PDSS2: variants seen among roughly 807,000 people sequenced by gnomAD.
PDSS2 encodes all trans-polyprenyl-diphosphate synthase PDSS2.
In PDSS2, 31 loss-of-function variants were observed where a neutral mutation model predicts 44.5. That is an observed-to-expected ratio of 0.70 (90% CI 0.52 to 0.94). The LOEUF (loss-of-function observed/expected upper bound fraction) is 0.94. Ranked by LOEUF, PDSS2 falls within the 40% of genes least tolerant of loss-of-function variation. The pLI, the probability that PDSS2 is intolerant of heterozygous loss-of-function variation, is 0.00. For missense variants in PDSS2, 452 were observed against 482.2 expected (o/e 0.94, Z 0.59); for synonymous variants, 157 against 180.3 (o/e 0.87, Z 1.03).
intron 3 of PDSS2, among the ~76,000 whole-genome samples, chr6:107,266,817 C>A (rs1361183048): frequency 6.6e-6 from 1 of 152,122 alleles, no homozygotes; most frequent in Non-Finnish European, 1.5e-5. Flanking sequence ...TATAGTGATG[C>A]TTCTGAATGC....
intron 1 of PDSS2, among the ~76,000 whole-genome samples, chr6:107,388,447 ATTTTTTTT>A (rs147100917): frequency 1.5e-5 from 2 of 137,272 alleles, no homozygotes; most frequent in African/African-American, 5.4e-5. Flanking sequence ...GTGCATGTGA[ATTTTTTTT>A]TTTTTTTTTT....
chr6:107,175,214 G>GA (rs35268855), intron 7 of PDSS2, among the ~76,000 whole-genome samples: 52,979 of 140,202 alleles, frequency 0.38, 9,997 homozygotes, highest in African/African-American at 0.45. Flanking sequence ...TCCATCTCAG[G>GA]AAAAAAAAAA....
In PDSS2 at chr6:107,453,458, G is replaced by GA. The variant is rs748000071; in HGVS notation, c.296+5531dup. Among the ~76,000 whole-genome samples, 727 of 143,816 alleles carry GA rather than the reference G, an allele frequency of 5.1e-3. 2 individuals carry two copies. Among genetic ancestry groups the GA allele is most frequent in the Non-Finnish European group, 7.8e-3 (510 of 65,122 alleles). The allele number at this position is 143,816 out of a possible 152,430, so 94.3% of individuals were successfully genotyped here. On this transcript the variant is annotated intron_variant, in intron 1 of 7. Transcript: ENST00000369037. ...TGTTCCAGCCCTATTTTTAGAGAAA[G>GA]AAAAAAAAAAACTATCCTCCCTCCA...
At chr6:107,217,616 A>C (rs548339389) in intron 4 of PDSS2, among the ~76,000 whole-genome samples, 1 of 152,300 alleles carries the variant, frequency 6.6e-6, no homozygotes, top group South Asian at 2.1e-4. Context: ...GGCCTCTCAA[A>C]TATGGCTGGT....
At chr6:107,245,996 G>A (rs1774601137) in intron 3 of PDSS2, among the ~76,000 whole-genome samples, 1 of 152,062 alleles carries the variant, frequency 6.6e-6, no homozygotes, top group African/African-American at 2.4e-5. Context: ...CATTCTGGGA[G>A]CAATTACAAT....
intron 2 of PDSS2, among the ~76,000 whole-genome samples, chr6:107,275,885 G>A (rs1775763066): frequency 6.6e-6 from 1 of 152,048 alleles, no homozygotes; most frequent in East Asian, 1.9e-4. Context: ...AGGCCCAGGT[G>A]GCAGGACTGC....
chr6:107,205,606 T>G (rs1430717241), intron 6 of PDSS2, among the ~76,000 whole-genome samples: 1 of 152,218 alleles, frequency 6.6e-6, no homozygotes, highest in East Asian at 1.9e-4. Context: ...CAGGGAGAGA[T>G]CTGTAGAATT....
intron 6 of PDSS2, among the ~76,000 whole-genome samples, chr6:107,208,917 T>C (rs1225392213): frequency 1.3e-5 from 2 of 151,886 alleles, no homozygotes; most frequent in Non-Finnish European, 1.5e-5. Flanking sequence ...AGTTTTCTTA[T>C]TTTTTTTCTT....
chr6:107,315,617 A>C (rs1195251672), intron 2 of PDSS2, among the ~76,000 whole-genome samples: 2 of 152,220 alleles, frequency 1.3e-5, no homozygotes, highest in African/African-American at 4.8e-5. Context: ...AGAAAGAAAG[A>C]AAGCATATCT....
chr6:107,279,732 A>G (rs1775898156), intron 2 of PDSS2, among the ~76,000 whole-genome samples: 1 of 152,218 alleles, frequency 6.6e-6, no homozygotes, highest in South Asian at 2.1e-4. Context: ...CTATTTTTCT[A>G]TAGGAAATAG....
Position 107,370,239 on chromosome 6 carries a change from A to G in PDSS2, c.297-35907T>C, listed in dbSNP as rs116292415. On this transcript the variant is annotated intron_variant, in intron 1 of 7. Coordinates refer to ENST00000369037, the MANE Select transcript of PDSS2 (RefSeq NM_020381.4). ...CTAACACTTTACCGAATCATCATTCAGGAGTTTTAGCACAAACTACTCGCA... is the reference window on the plus strand; with the variant it reads ...CTAACACTTTACCGAATCATCATTCGGGAGTTTTAGCACAAACTACTCGCA... Among the ~76,000 whole-genome samples the G allele has an allele frequency of 2.3e-3, 350 of 152,322 alleles. 1 individual carries two copies. Among genetic ancestry groups the G allele is most frequent in the African/African-American group, 7.9e-3 (327 of 41,584 alleles).
intron 7 of PDSS2, among the ~76,000 whole-genome samples, chr6:107,157,963 G>A (rs1306368173): frequency 2.0e-5 from 3 of 151,978 alleles, no homozygotes; most frequent in Non-Finnish European, 4.4e-5. Context: ...GAGCCACTGC[G>A]CCCGACTTAG....
At chr6:107,273,941 C>T in intron 3 of PDSS2, 88 bp downstream of exon 3, 2 of 963,242 alleles carry the variant, frequency 2.1e-6, no homozygotes, top group Non-Finnish European at 3.4e-6. Context: ...GGAGTTGGGG[C>T]AGCCGGGCAC....
intron 1 of PDSS2, among the ~76,000 whole-genome samples, chr6:107,437,737 T>C (rs1392811115): frequency 3.3e-5 from 5 of 152,010 alleles, no homozygotes; most frequent in African/African-American, 1.2e-4. Context: ...TTGAAAAAAA[T>C]CTGCGTATAA....
At chr6:107,258,664 G>A (rs1775109431) in intron 3 of PDSS2, among the ~76,000 whole-genome samples, 1 of 152,062 alleles carries the variant, frequency 6.6e-6, no homozygotes, top group Non-Finnish European at 1.5e-5. Flanking sequence ...TTAGCTGGAT[G>A]TGGTGGTGGG....
intron 1 of PDSS2, among the ~76,000 whole-genome samples, chr6:107,449,541 C>T (rs575016228): frequency 6.6e-6 from 1 of 152,240 alleles, no homozygotes; most frequent in African/African-American, 2.4e-5. Context: ...TGGAATCACA[C>T]AGTATTTGTC....
intron 7 of PDSS2, among the ~76,000 whole-genome samples, chr6:107,172,909 A>G (rs771608503): frequency 5.9e-5 from 9 of 151,558 alleles, no homozygotes; most frequent in Non-Finnish European, 8.8e-5. Flanking sequence ...GCAGATCACG[A>G]GGTCAGGAGT....
intron 1 of PDSS2, among the ~76,000 whole-genome samples, chr6:107,405,090 C>T (rs953929104): frequency 2.6e-5 from 4 of 151,672 alleles, no homozygotes; most frequent in African/African-American, 9.7e-5. Flanking sequence ...AACTTCTGAG[C>T]AGAAACCTTA....
At chr6:107,421,918 G>C (rs1189677951) in intron 1 of PDSS2, among the ~76,000 whole-genome samples, 3 of 151,446 alleles carry the variant, frequency 2.0e-5, no homozygotes, top group Non-Finnish European at 4.4e-5. Context: ...CAATTTCCTG[G>C]TTTAAATAAT....
Sources: gnomAD v4.1 joint callset for allele counts (sites outside exome capture counted in the v4.1 genomes callset) on GRCh38, gnomAD v4.1.1 for gene constraint, MANE v1.5 for transcripts, NCBI Gene and HGNC (gene_info 2026-07-23, HGNC 2026-07-21) for gene names.